The following CAMK1D variants were observed in gnomAD, a reference collection of about 807,000 sequenced individuals.
CAMK1D encodes calcium/calmodulin dependent protein kinase ID, also known as calcium/calmodulin-dependent protein kinase type 1D.
In CAMK1D, 9 loss-of-function variants were observed where a neutral mutation model predicts 47.7. The ratio of observed to expected loss-of-function variants is 0.19; its 90% confidence interval spans 0.11 to 0.33. The LOEUF (loss-of-function observed/expected upper bound fraction) is 0.33, where lower values mean the gene tolerates loss of function less well. Among genes scored for constraint, CAMK1D ranks in the 10% least tolerant of loss-of-function variants. The pLI is 1.00. For synonymous variants in CAMK1D, 184 were observed against 184.9 expected, an observed-to-expected ratio of 0.99 and a Z score of 0.04; for missense variants, 291 against 488.7, an observed-to-expected ratio of 0.60 and a Z score of 3.81.
chr10:12,542,831 C>T (rs528488424), intron 1 of CAMK1D, among the ~76,000 whole-genome samples: 33 of 151,938 alleles, frequency 2.2e-4, no homozygotes, highest in South Asian at 1.9e-3. Context: ...CAACAACCTC[C>T]GCCTCCCGGG....
intron 2 of CAMK1D, among the ~76,000 whole-genome samples, chr10:12,566,730 A>T (rs1837137052): frequency 6.6e-6 from 1 of 152,214 alleles, no homozygotes; most frequent in South Asian, 2.1e-4. Context: ...TTTCAGGAGA[A>T]TGCGGGAAAG....
At chr10:12,540,597 A>C (rs1399756478) in intron 1 of CAMK1D, among the ~76,000 whole-genome samples, 1 of 152,246 alleles carries the variant, frequency 6.6e-6, no homozygotes, top group Non-Finnish European at 1.5e-5. Flanking sequence ...CCCTGTGACA[A>C]GTATTGTCAT....
At chr10:12,770,837 C>T (rs545661851) in intron 5 of CAMK1D, among the ~76,000 whole-genome samples, 2 of 150,858 alleles carry the variant, frequency 1.3e-5, no homozygotes, top group Non-Finnish European at 2.9e-5. Flanking sequence ...GGAGAGGGTA[C>T]GAGCTAGGGA....
intron 1 of CAMK1D, among the ~76,000 whole-genome samples, chr10:12,521,856 T>C (rs2182700): frequency 0.51 from 77,120 of 151,020 alleles, 19,782 homozygotes; most frequent in South Asian, 0.62. Flanking sequence ...TCATGGATGT[T>C]CTTGTTCTGA....
chr10:12,517,867 G>C (rs1178346511), intron 1 of CAMK1D, among the ~76,000 whole-genome samples: 1 of 152,136 alleles, frequency 6.6e-6, no homozygotes, highest in East Asian at 1.9e-4. Flanking sequence ...TAATGTCTTT[G>C]TCTGATTTTG....
intron 2 of CAMK1D, among the ~76,000 whole-genome samples, chr10:12,564,678 G>A (rs533540072): frequency 3.3e-5 from 5 of 152,148 alleles, no homozygotes; most frequent in African/African-American, 1.2e-4. Flanking sequence ...TTAGCTATTT[G>A]CATTTTTCTG....
intron 6 of CAMK1D, among the ~76,000 whole-genome samples, chr10:12,807,011 C>T (rs556814522): frequency 6.6e-6 from 1 of 152,312 alleles, no homozygotes; most frequent in South Asian, 2.1e-4. Context: ...TGTGCGACCC[C>T]TGAGCTGAGT....
At chr10:12,515,418 C>CTTTTTTTTTTTTTTTTTTTTTTT (rs55732103) in intron 1 of CAMK1D, among the ~76,000 whole-genome samples, 2 of 99,008 alleles carry the variant, frequency 2.0e-5, no homozygotes, top group African/African-American at 4.0e-5. Flanking sequence ...TTTTTTTTTT[C>CTTTTTTTTTTTTTTTTTTTTTTT]TTTTTTTTTT....
chr10:12,750,666 C>T (rs1835899837), intron 3 of CAMK1D, among the ~76,000 whole-genome samples: 1 of 150,564 alleles, frequency 6.6e-6, no homozygotes, highest in South Asian at 2.1e-4. Flanking sequence ...TGGGGAAAGT[C>T]AAGAATGAAT....
At chr10:12,778,783 G>A (rs117711437) in intron 5 of CAMK1D, among the ~76,000 whole-genome samples, 6,672 of 152,170 alleles carry the variant, frequency 0.044, 203 homozygotes, top group Non-Finnish European at 0.066. Flanking sequence ...TGACGCAGGA[G>A]GATCACCTGA....
intron 1 of CAMK1D, among the ~76,000 whole-genome samples, chr10:12,428,955 G>T (rs1157718872): frequency 2.6e-5 from 4 of 152,156 alleles, no homozygotes; most frequent in Non-Finnish European, 5.9e-5. Context: ...CCGTGATCTT[G>T]GACCTCCAGC....
intron 2 of CAMK1D, among the ~76,000 whole-genome samples, chr10:12,604,135 C>T (rs1287744562): frequency 1.3e-5 from 2 of 152,142 alleles, no homozygotes; most frequent in Non-Finnish European, 2.9e-5. Flanking sequence ...CTGTCTGCAT[C>T]TCAGACAGAA....
At chr10:12,370,246 G>A (rs750571277) in intron 1 of CAMK1D, among the ~76,000 whole-genome samples, 49 of 152,026 alleles carry the variant, frequency 3.2e-4, no homozygotes, top group Non-Finnish European at 6.2e-4. Context: ...GCGATGCTGG[G>A]GTCAACAGAC....
At chr10:12,656,624 A>T (rs908294370) in intron 2 of CAMK1D, among the ~76,000 whole-genome samples, 1 of 152,246 alleles carries the variant, frequency 6.6e-6, no homozygotes, top group Non-Finnish European at 1.5e-5. Context: ...CTTAATCTTT[A>T]AAAAACAACA....
intron 2 of CAMK1D, among the ~76,000 whole-genome samples, chr10:12,570,859 G>A (rs796813809): frequency 6.6e-6 from 1 of 152,216 alleles, no homozygotes; most frequent in South Asian, 2.1e-4. Flanking sequence ...GGCTGAGAGA[G>A]GAGAATAACT....
At chr10:12,557,575 AAAG>A (rs918697286) in intron 2 of CAMK1D, among the ~76,000 whole-genome samples, 3 of 152,042 alleles carry the variant, frequency 2.0e-5, no homozygotes, top group Non-Finnish European at 4.4e-5. Context: ...AAAAAAGAAA[AAAG>A]AAAAAAGTCT....
intron 1 of CAMK1D, among the ~76,000 whole-genome samples, chr10:12,523,712 C>G (rs898983172): frequency 6.6e-6 from 1 of 152,044 alleles, no homozygotes; most frequent in Non-Finnish European, 1.5e-5. Context: ...CCAGCTTTGG[C>G]TGGGCATCAG....
At chr10:12,620,204 A>C in intron 2 of CAMK1D, among the ~76,000 whole-genome samples, 1 of 149,824 alleles carries the variant, frequency 6.7e-6, no homozygotes, top group African/African-American at 2.4e-5. Flanking sequence ...AAAAAAAAAA[A>C]AAAAAAAAAA....
intron 2 of CAMK1D, among the ~76,000 whole-genome samples, chr10:12,646,781 C>A (rs1379439356): frequency 2.6e-5 from 4 of 152,114 alleles, no homozygotes; most frequent in Non-Finnish European, 5.9e-5. Flanking sequence ...ACTCGATTAC[C>A]TAAAAACTCT....
Sources: gnomAD v4.1 joint callset for allele counts (sites outside exome capture counted in the v4.1 genomes callset) on GRCh38, gnomAD v4.1.1 for gene constraint, MANE v1.5 for transcripts, NCBI Gene and HGNC (gene_info 2026-07-23, HGNC 2026-07-21) for gene names.